The following NFE2L3 variants were observed in gnomAD, a reference collection of about 807,000 sequenced individuals.
The protein encoded by NFE2L3 is nuclear factor erythroid 2-related factor 3.
NFE2L3 carries 18 observed loss-of-function variants against 23.5 expected under a neutral mutation model. The ratio of observed to expected loss-of-function variants is 0.77; its 90% confidence interval spans 0.53 to 1.13. The LOEUF (loss-of-function observed/expected upper bound fraction) is 1.13, where lower values mean the gene tolerates loss of function less well. NFE2L3 is among the 50% of genes most tolerant of loss of function. NFE2L3 has a pLI of 0.00. For synonymous variants in NFE2L3, 424 were observed against 354.5 expected (o/e 1.20, Z -2.20); for missense variants, 1,152 against 877.2 (o/e 1.31, Z -3.96).
chr7:26,181,276 C>T (rs1304574428), intron 2 of NFE2L3, among the ~76,000 whole-genome samples: 1 of 152,188 alleles, frequency 6.6e-6, no homozygotes, highest in Non-Finnish European at 1.5e-5. Context: ...TGCACCCAGC[C>T]ACATTTCTTA....
At chr7:26,177,047 C>G (rs1174903645) in intron 1 of NFE2L3, among the ~76,000 whole-genome samples, 1 of 48,410 alleles carries the variant, frequency 2.1e-5, no homozygotes, top group Non-Finnish European at 3.5e-5. Flanking sequence ...GATGGGCGGC[C>G]AGGCAGAGAT....
In NFE2L3 at chr7:26,153,618, C is replaced by T. The variant is rs75755362; in HGVS notation, c.570+550C>T. On this transcript the variant is annotated intron_variant, in intron 1 of 3. Coordinates refer to ENST00000056233, the MANE Select transcript of NFE2L3 (RefSeq NM_004289.7). ...AGAGGCCAGCCGGCAGGCGGTCCCCCTGTGACCTAACCATCCCCTGCACCT... is the reference window on the plus strand; with the variant it reads ...AGAGGCCAGCCGGCAGGCGGTCCCCTTGTGACCTAACCATCCCCTGCACCT... Among the ~76,000 whole-genome samples, 659 of 152,346 alleles carry T rather than the reference C, an allele frequency of 4.3e-3. 5 individuals are homozygous for T. The highest frequency in any genetic ancestry group is 0.015 in the African/African-American group (625 of 41,582).
rs557756191 is a variant in NFE2L3, at chr7:26,157,703, A to G, written c.570+4635A>G. Among the ~76,000 whole-genome samples, 150 of 152,230 alleles carry G rather than the reference A, an allele frequency of 9.9e-4. 1 individual carries two copies. The highest frequency in any genetic ancestry group is 3.4e-3 in the African/African-American group (143 of 41,532). ...CTAAAGGAAGTTGTAAAGGTGCACTATTGTCTTTGTATGGGAAAGGATGTC... is the reference window on the plus strand; with the variant it reads ...CTAAAGGAAGTTGTAAAGGTGCACTGTTGTCTTTGTATGGGAAAGGATGTC... On this transcript the variant is annotated intron_variant, in intron 1 of 3. Transcript: ENST00000056233.
At chr7:26,175,853 C>CTTTTTTTT (rs70943276) in intron 1 of NFE2L3, among the ~76,000 whole-genome samples, 4 of 111,634 alleles carry the variant, frequency 3.6e-5, no homozygotes, top group African/African-American at 1.0e-4. Flanking sequence ...ATTTTCTTTT[C>CTTTTTTTT]TTTTTTTTTT....
rs531109562 is a variant in NFE2L3 at position 26,184,968 on chromosome 7, G to C, written c.1270G>C (p.Asp424His). ...AGATTCTGATTCTGGCCTTTCTTTA[G>C]ATTCAAGTCACAATAATACCTCTGT... Reference protein sequence around the residue: ...EPDSDSGLSLDSSHNNTSVIK... With the variant: ...EPDSDSGLSLHSSHNNTSVIK... Residue 424 changes from aspartate to histidine, a missense_variant, in exon 4 of 4, where the codon GAT (aspartate) becomes CAT (histidine). Physicochemically the swap from Asp to His is moderately conservative, Grantham distance 81. Transcript: ENST00000056233. 118 of 1,613,806 alleles carry C rather than the reference G, an allele frequency of 7.3e-5. No individual in the cohort carries two copies. In the East Asian group the frequency reaches 1.7e-3, roughly 24 times the overall value.
At chr7:26,169,839 T>C (rs1157513715) in intron 1 of NFE2L3, among the ~76,000 whole-genome samples, 1 of 152,168 alleles carries the variant, frequency 6.6e-6, no homozygotes, top group Admixed American at 6.5e-5. Flanking sequence ...GGCTCACGCC[T>C]GTAATCCCGG....
intron 1 of NFE2L3, among the ~76,000 whole-genome samples, chr7:26,172,420 C>T (rs1784340518): frequency 6.6e-6 from 1 of 152,212 alleles, no homozygotes; most frequent in Admixed American, 6.5e-5. Flanking sequence ...CCCTCATCAC[C>T]CAGATACTTA....
Position 26,177,877 on chromosome 7 carries a change from G to A in NFE2L3, c.571-66G>A. On this transcript the variant is annotated intron_variant, in intron 1 of 3. Coordinates refer to ENST00000056233, the MANE Select transcript of NFE2L3 (RefSeq NM_004289.7). ...TGACTTGTGGGTTTTCATGGTCCCT[G>A]AACAATAAGCACAATGCAGTTTTAA... is the stretch of plus-strand genomic sequence containing the variant. The A allele has an allele frequency of 2.1e-6, 3 of 1,399,416 alleles. No individual in the cohort carries two copies. The African/African-American group carries it at 4.3e-5, about 20-fold the overall frequency. The allele number at this position is 1,399,416 out of a possible 1,614,324, so 86.7% of individuals were successfully genotyped here.
Position 26,152,406 on chromosome 7 carries a change from G to C in NFE2L3, c.-93G>C. 3.3e-6 allele frequency: 3 copies of C among 916,462 alleles called. No homozygotes were observed. Among genetic ancestry groups the C allele is most frequent in the Non-Finnish European group, 4.2e-6 (3 of 717,294 alleles). The allele number at this position is 916,462 out of a possible 1,614,324, so 56.8% of individuals were successfully genotyped here. ...GCTTATCTGGGTTCCAGGCAGGTGCGGGCGGCGCGCGGGGTCCGCACGTGT... is the reference window on the plus strand; with the variant it reads ...GCTTATCTGGGTTCCAGGCAGGTGCCGGCGGCGCGCGGGGTCCGCACGTGT... On this transcript the variant is annotated 5_prime_UTR_variant, in exon 1 of 4. Coordinates refer to ENST00000056233, the MANE Select transcript of NFE2L3 (RefSeq NM_004289.7). The surrounding 1 kb of genome is among the most constrained non-coding windows in gnomAD (Gnocchi z 4.4).
chr7:26,158,237 G>A (rs553930719), intron 1 of NFE2L3, among the ~76,000 whole-genome samples: 1 of 152,114 alleles, frequency 6.6e-6, no homozygotes, highest in South Asian at 2.1e-4. Context: ...TTGTAGAGAC[G>A]AGGGTTTTGC....
intron 3 of NFE2L3, chr7:26,184,020 A>G: frequency 2.0e-6 from 1 of 512,434 alleles, no homozygotes; most frequent in Admixed American, 3.7e-5. Flanking sequence ...TTCTCAAAAA[A>G]CTAAAAGAAT....
rs1784099317 is a variant in NFE2L3, at chr7:26,157,460, G to A, written c.570+4392G>A. On this transcript the variant is annotated intron_variant, in intron 1 of 3. Transcript: ENST00000056233. ...ACCTGGCCTCAATATTTAATTCTAA[G>A]AGTAAAGGAAAGAGAAAGAAGGTCC... is the stretch of plus-strand genomic sequence containing the variant. Among the ~76,000 whole-genome samples, 3 of 152,076 alleles carry A rather than the reference G, an allele frequency of 2.0e-5. No homozygotes were observed. In the South Asian group the frequency reaches 6.2e-4, roughly 32 times the overall value.
intron 1 of NFE2L3, among the ~76,000 whole-genome samples, chr7:26,176,163 G>T (rs1393566973): frequency 2.0e-5 from 3 of 152,118 alleles, no homozygotes; most frequent in Non-Finnish European, 2.9e-5. Flanking sequence ...GTTTCAGAGA[G>T]CAGGGGGTTG....
intron 1 of NFE2L3, among the ~76,000 whole-genome samples, chr7:26,172,469 A>G (rs1784341036): frequency 6.6e-6 from 1 of 152,184 alleles, no homozygotes; most frequent in Non-Finnish European, 1.5e-5. Context: ...TTTCTTTTCT[A>G]TACCCAGTTA....
intron 2 of NFE2L3, among the ~76,000 whole-genome samples, chr7:26,178,869 C>A (rs923220606): frequency 6.6e-6 from 1 of 151,842 alleles, no homozygotes; most frequent in Non-Finnish European, 1.5e-5. Flanking sequence ...GGGGTCTTGC[C>A]CTGACGGTTT....
At chr7:26,173,794 C>T (rs548567617) in intron 1 of NFE2L3, 4 of 152,118 alleles carry the variant, frequency 2.6e-5, no homozygotes, top group East Asian at 1.9e-4. Context: ...ATCTGGGTTA[C>T]GAAGTGGCCA....
At chr7:26,158,329 AC>A in intron 1 of NFE2L3, among the ~76,000 whole-genome samples, 1 of 152,156 alleles carries the variant, frequency 6.6e-6, no homozygotes, top group East Asian at 1.9e-4. Flanking sequence ...ATCTTAACTT[AC>A]CTAGTTACAT....
rs919554756 is a variant in NFE2L3, at chr7:26,175,982, G to T, written c.571-1961G>T. On this transcript the variant is annotated intron_variant, in intron 1 of 3. Coordinates refer to ENST00000056233, the MANE Select transcript of NFE2L3 (RefSeq NM_004289.7). ...ATAAACACGTGAACAAAGGTCTCTG[G>T]TTTTCCTAGGCAGAGGTCCCTGTGG... Among the ~76,000 whole-genome samples, 4 of 151,320 alleles carry T rather than the reference G, an allele frequency of 2.6e-5. No homozygotes were observed. The Admixed American group carries it at 2.6e-4, about 10-fold the overall frequency.
At chr7:26,182,832 C>G (rs1287706485) in intron 2 of NFE2L3, among the ~76,000 whole-genome samples, 1 of 152,132 alleles carries the variant, frequency 6.6e-6, no homozygotes, top group Non-Finnish European at 1.5e-5. Context: ...AGATCTCATT[C>G]TGTTAGGCTG....
Sources: gnomAD v4.1 joint callset for allele counts (sites outside exome capture counted in the v4.1 genomes callset) on GRCh38, gnomAD v4.1.1 for gene constraint, Gnocchi (gnomAD v3.1) non-coding constraint, MANE v1.5 for transcripts, NCBI Gene and HGNC (gene_info 2026-07-23, HGNC 2026-07-21) for gene names.